The following CELF4 variants were observed in gnomAD, a reference collection of about 807,000 sequenced individuals.
CELF4 encodes CUG-BP- and ETR-3-like factor 4.
CELF4 carries 18 observed loss-of-function variants against 59.9 expected under a neutral mutation model. The observed-to-expected ratio is 0.30, with a 90% confidence interval of 0.21 to 0.45. The LOEUF is 0.45. Among genes scored for constraint, CELF4 ranks in the 20% least tolerant of loss-of-function variants. The pLI, the probability that CELF4 is intolerant of heterozygous loss-of-function variation, is 1.00. For synonymous variants in CELF4, 261 were observed against 267.1 expected (o/e 0.98, Z 0.22); for missense variants, 456 against 689.0 (o/e 0.66, Z 3.79).
intron 3 of CELF4, among the ~76,000 whole-genome samples, chr18:37,320,359 C>T (rs75698814): frequency 6.7e-6 from 1 of 150,034 alleles, no homozygotes; most frequent in Non-Finnish European, 1.5e-5. Flanking sequence ...AAAAAAAAGG[C>T]CCCAACTCCT....
chr18:37,263,574 G>A (rs532336077), intron 10 of CELF4, among the ~76,000 whole-genome samples: 49 of 152,134 alleles, frequency 3.2e-4, no homozygotes, highest in Non-Finnish European at 5.0e-4. Context: ...TCTGTGGCAG[G>A]CCCACAGAGT....
intron 2 of CELF4, among the ~76,000 whole-genome samples, chr18:37,397,503 G>A (rs1370191151): frequency 6.6e-6 from 1 of 152,170 alleles, no homozygotes; most frequent in African/African-American, 2.4e-5. Context: ...CAGATTGAAG[G>A]GATTGGTTGG....
rs897351056 is a variant in CELF4 at position 37,448,631 on chromosome 18, G to A, written c.369+36894C>T. 5.3e-5 allele frequency among the ~76,000 whole-genome samples: 8 copies of A among 152,336 alleles called. No individual in the cohort carries two copies. In the East Asian group the frequency reaches 5.8e-4, roughly 11 times the overall value. On this transcript the variant is annotated intron_variant, in intron 2 of 12. Transcript: ENST00000420428. ...GCGTCCTGGCATCTGGGAGGCTGGC[G>A]GGAACTGCCGTGAGCTGCTCTGACC...
At chr18:37,327,172 G>A (rs1447821377) in intron 2 of CELF4, among the ~76,000 whole-genome samples, 4 of 152,042 alleles carry the variant, frequency 2.6e-5, no homozygotes, top group South Asian at 4.2e-4. Context: ...CAACCTCGCC[G>A]CTTCCCCTGC....
At chr18:37,494,641 C>T (rs1049336930) in intron 1 of CELF4, among the ~76,000 whole-genome samples, 4 of 152,160 alleles carry the variant, frequency 2.6e-5, no homozygotes, top group South Asian at 2.1e-4. Flanking sequence ...TGCGTATCGT[C>T]GGCATCTGAC....
chr18:37,454,236 C>T (rs1416816474), intron 2 of CELF4, among the ~76,000 whole-genome samples: 1 of 152,204 alleles, frequency 6.6e-6, no homozygotes, highest in Non-Finnish European at 1.5e-5. Flanking sequence ...AGTAGTTTCT[C>T]GTTGCCTGAA....
At chr18:37,345,650 G>T (rs1305425983) in intron 2 of CELF4, among the ~76,000 whole-genome samples, 1 of 152,080 alleles carries the variant, frequency 6.6e-6, no homozygotes, top group Non-Finnish European at 1.5e-5. Flanking sequence ...GTGGCTGAAG[G>T]CCTGGGAGGC....
chr18:37,562,309 T>C (rs1603644275), intron 1 of CELF4, among the ~76,000 whole-genome samples: 1 of 152,228 alleles, frequency 6.6e-6, no homozygotes, highest in South Asian at 2.1e-4. Context: ...AAATGGCAGG[T>C]GGCCAACAAA....
intron 2 of CELF4, among the ~76,000 whole-genome samples, chr18:37,375,793 C>T (rs561628795): frequency 6.6e-6 from 1 of 152,244 alleles, no homozygotes; most frequent in South Asian, 2.1e-4. Flanking sequence ...CTACAGCCAA[C>T]TCCTCTACTC....
At chr18:37,504,281 A>G (rs867758284) in intron 1 of CELF4, among the ~76,000 whole-genome samples, 2 of 152,102 alleles carry the variant, frequency 1.3e-5, no homozygotes, top group African/African-American at 2.4e-5. Context: ...TTCTGAGGTC[A>G]GGAGTTCAAG....
At chr18:37,256,654 C>A (rs1197281172) in intron 11 of CELF4, among the ~76,000 whole-genome samples, 1 of 150,830 alleles carries the variant, frequency 6.6e-6, no homozygotes, top group Non-Finnish European at 1.5e-5. Context: ...GGTGTGATCT[C>A]GGCTAACAGC....
At chr18:37,311,855 TA>T (rs2096666580) in intron 3 of CELF4, among the ~76,000 whole-genome samples, 1 of 148,016 alleles carries the variant, frequency 6.8e-6, no homozygotes, top group South Asian at 2.1e-4. Context: ...CTTATGCCTA[TA>T]ATCCCAGCAC....
intron 2 of CELF4, among the ~76,000 whole-genome samples, chr18:37,335,417 G>A (rs937141357): frequency 1.9e-4 from 29 of 152,196 alleles, no homozygotes; most frequent in African/African-American, 6.5e-4. Flanking sequence ...TGTGGGAGGT[G>A]TGTGTTGCAT....
intron 2 of CELF4, among the ~76,000 whole-genome samples, chr18:37,415,088 T>A (rs2099516613): frequency 6.6e-6 from 1 of 152,042 alleles, no homozygotes; most frequent in Admixed American, 6.6e-5. Context: ...TCTGGGGAGA[T>A]GTGGAGTAGG....
chr18:37,445,908 C>T (rs2099746925), intron 2 of CELF4, among the ~76,000 whole-genome samples: 1 of 152,200 alleles, frequency 6.6e-6, no homozygotes, highest in Non-Finnish European at 1.5e-5. Context: ...ATCATCTACC[C>T]TTTGAGTATC....
At chr18:37,393,774 A>T (rs2099198175) in intron 2 of CELF4, among the ~76,000 whole-genome samples, 1 of 151,588 alleles carries the variant, frequency 6.6e-6, no homozygotes, top group African/African-American at 2.4e-5. Context: ...CCCCAATCTG[A>T]GCAATCTCTG....
intron 1 of CELF4, among the ~76,000 whole-genome samples, chr18:37,553,805 G>A (rs1035573632): frequency 2.0e-5 from 3 of 152,114 alleles, no homozygotes; most frequent in Non-Finnish European, 4.4e-5. Context: ...TGCGGGAGAG[G>A]TTTGAGTTGG....
chr18:37,346,352 A>T (rs141885865), intron 2 of CELF4, among the ~76,000 whole-genome samples: 1 of 152,194 alleles, frequency 6.6e-6, no homozygotes, highest in Non-Finnish European at 1.5e-5. Flanking sequence ...GGGGGAAAAA[A>T]GAGCTCTAGG....
intron 2 of CELF4, among the ~76,000 whole-genome samples, chr18:37,403,569 G>T (rs1484749762): frequency 1.3e-5 from 2 of 152,158 alleles, no homozygotes; most frequent in African/African-American, 4.8e-5. Flanking sequence ...GGGGTGGTGG[G>T]TGTGTGTGCT....
Sources: allele counts gnomAD v4.1 joint callset (sites outside exome capture counted in the v4.1 genomes callset), GRCh38; gene constraint gnomAD v4.1.1; transcripts MANE v1.5; gene names NCBI Gene and HGNC (gene_info 2026-07-23, HGNC 2026-07-21).